The following WSCD2 variants were observed in gnomAD, a reference collection of about 807,000 sequenced individuals.
WSCD2 encodes sialate:O-sulfotransferase 2.
Under a neutral mutation model 55.7 loss-of-function variants are expected in WSCD2, and 28 were observed. That is an observed-to-expected ratio of 0.50 (90% CI 0.37 to 0.69). The LOEUF is 0.69. WSCD2 is among the 30% of genes least tolerant of loss of function. WSCD2 has a pLI of 0.00. For missense variants in WSCD2, 616 were observed against 762.1 expected (o/e 0.81, Z 2.26); for synonymous variants, 301 against 301.9 (o/e 1.00, Z 0.03).
At chr12:108,163,597 C>T (rs1879293919) in intron 1 of WSCD2, among the ~76,000 whole-genome samples, 1 of 152,112 alleles carries the variant, frequency 6.6e-6, no homozygotes, top group Non-Finnish European at 1.5e-5. Context: ...AGTGGTCCCA[C>T]TGTCATCGCA....
chr12:108,131,986 A>G (rs1875577903), intron 1 of WSCD2: 1 of 152,382 alleles, frequency 6.6e-6, no homozygotes, highest in Non-Finnish European at 1.5e-5. Context: ...AGACAAGGCT[A>G]CTGTTCTTGG....
At chr12:108,150,937 T>C (rs1172890033) in intron 1 of WSCD2, among the ~76,000 whole-genome samples, 1 of 152,022 alleles carries the variant, frequency 6.6e-6, no homozygotes. Flanking sequence ...CAACCCTTCC[T>C]CTGACCTGAG....
intron 2 of WSCD2, among the ~76,000 whole-genome samples, chr12:108,200,542 C>T (rs551859483): frequency 1.4e-4 from 22 of 152,336 alleles, no homozygotes; most frequent in African/African-American, 5.3e-4. Flanking sequence ...ATGCCCAGAT[C>T]TTTGCTGGAA....
intron 1 of WSCD2, among the ~76,000 whole-genome samples, chr12:108,186,518 C>G (rs1882515584): frequency 6.6e-6 from 1 of 152,242 alleles, no homozygotes; most frequent in African/African-American, 2.4e-5. Flanking sequence ...TACTCACCCT[C>G]CCTCTAGCCC....
intron 1 of WSCD2, among the ~76,000 whole-genome samples, chr12:108,191,876 T>G (rs1419561333): frequency 6.6e-6 from 1 of 152,162 alleles, no homozygotes; most frequent in African/African-American, 2.4e-5. Context: ...TCCACATCCC[T>G]CCGGCAGATC....
intron 1 of WSCD2, among the ~76,000 whole-genome samples, chr12:108,142,145 A>AT (rs1876889539): frequency 1.3e-5 from 2 of 152,062 alleles, no homozygotes; most frequent in South Asian, 2.1e-4. Context: ...GAACATTTTT[A>AT]TTTTTTTATT....
At position 108,210,921 on chromosome 12, in the gene WSCD2, T is replaced by C. The variant is rs1886067004; in HGVS notation, c.682+616T>C. Among the ~76,000 whole-genome samples, 1 of 152,206 alleles carries C rather than the reference T, an allele frequency of 6.6e-6. No homozygotes were observed. The highest frequency in any genetic ancestry group is 2.4e-5 in the African/African-American group (1 of 41,448). On this transcript the variant is annotated intron_variant, in intron 4 of 8. Coordinates refer to ENST00000547525, the MANE Select transcript of WSCD2 (RefSeq NM_014653.4). This position sits in a 1 kb window ranked among gnomAD's most constrained non-coding sequence, Gnocchi z 4.3. ...GTCTTGTTGGAAAATCTCTCTGATT[T>C]CCAAACCAACAGAAGGAGGGAGTGA...
At chr12:108,223,707 A>G (rs1246669722) in intron 4 of WSCD2, among the ~76,000 whole-genome samples, 1 of 152,192 alleles carries the variant, frequency 6.6e-6, no homozygotes, top group Middle Eastern at 3.2e-3. Context: ...CCTTCTCTGA[A>G]AAATAGCCTT....
At chr12:108,174,167 A>C (rs140527997) in intron 1 of WSCD2, among the ~76,000 whole-genome samples, 1 of 152,108 alleles carries the variant, frequency 6.6e-6, no homozygotes, top group Non-Finnish European at 1.5e-5. Flanking sequence ...ATGTTAGTCT[A>C]TCTTGCATCA....
chr12:108,169,570 C>T (rs925771199), intron 1 of WSCD2, among the ~76,000 whole-genome samples: 1 of 152,162 alleles, frequency 6.6e-6, no homozygotes, highest in Non-Finnish European at 1.5e-5. Context: ...TTCTTGAAGT[C>T]CCATTCTTGG....
intron 1 of WSCD2, among the ~76,000 whole-genome samples, chr12:108,138,588 G>A (rs983379590): frequency 6.6e-5 from 10 of 152,114 alleles, no homozygotes; most frequent in Admixed American, 2.6e-4. Context: ...GGTCATCTTA[G>A]CCAGAAGATA....
chr12:108,173,106 C>T (rs1725814317), intron 1 of WSCD2, among the ~76,000 whole-genome samples: 1 of 152,098 alleles, frequency 6.6e-6, no homozygotes, highest in African/African-American at 2.4e-5. Flanking sequence ...GACTCCAGAA[C>T]TTTGAAAAAT....
intron 2 of WSCD2, among the ~76,000 whole-genome samples, chr12:108,205,592 C>A (rs1885266079): frequency 6.6e-6 from 1 of 152,176 alleles, no homozygotes; most frequent in South Asian, 2.1e-4. Flanking sequence ...GAAACATTCA[C>A]CTTGACCCAC....
At chr12:108,146,618 G>A (rs1250829336) in intron 1 of WSCD2, among the ~76,000 whole-genome samples, 5 of 152,240 alleles carry the variant, frequency 3.3e-5, no homozygotes, top group Admixed American at 1.3e-4. Context: ...GACAGGGCTG[G>A]GCAGGGATTT....
intron 2 of WSCD2, among the ~76,000 whole-genome samples, chr12:108,205,256 G>A (rs898270218): frequency 1.3e-5 from 2 of 152,176 alleles, no homozygotes; most frequent in Non-Finnish European, 2.9e-5. Context: ...CCACACATAT[G>A]AACTGTGTTA....
At chr12:108,160,184 A>T (rs571499079) in intron 1 of WSCD2, among the ~76,000 whole-genome samples, 1 of 152,214 alleles carries the variant, frequency 6.6e-6, no homozygotes, top group East Asian at 1.9e-4. Context: ...GTTCTGCAGG[A>T]AGATGGTTGG....
intron 1 of WSCD2, among the ~76,000 whole-genome samples, chr12:108,169,798 A>G (rs1296472830): frequency 6.6e-6 from 1 of 152,206 alleles, no homozygotes; most frequent in African/African-American, 2.4e-5. Context: ...GGTGAGAGGA[A>G]AGGTAGCCAA....
intron 1 of WSCD2, among the ~76,000 whole-genome samples, chr12:108,185,424 C>T (rs1882340250): frequency 6.6e-6 from 1 of 152,140 alleles, no homozygotes; most frequent in South Asian, 2.1e-4. Flanking sequence ...TGCCCCAGAT[C>T]CTCCCATGAC....
intron 2 of WSCD2, 195 bp downstream of exon 2, chr12:108,196,409 G>A: frequency 1.1e-6 from 1 of 907,838 alleles, no homozygotes; most frequent in Non-Finnish European, 1.6e-6. Context: ...GAAGCGGCTT[G>A]CCCAAGGTCA....
Sources: gnomAD v4.1 joint callset for allele counts (sites outside exome capture counted in the v4.1 genomes callset) on GRCh38, gnomAD v4.1.1 for gene constraint, Gnocchi (gnomAD v3.1) non-coding constraint, MANE v1.5 for transcripts, NCBI Gene and HGNC (gene_info 2026-07-23, HGNC 2026-07-21) for gene names.